Variants in MRM1 observed in about 807,000 individuals in gnomAD.
MRM1 encodes the protein rRNA methyltransferase 1, mitochondrial.
A neutral mutation model predicts 25.0 loss-of-function variants in MRM1; 24 were observed. That is an observed-to-expected ratio of 0.96 (90% CI 0.69 to 1.35). The LOEUF is 1.35. MRM1 is among the 40% of genes most tolerant of loss of function. MRM1 has a pLI of 0.00. For synonymous variants in MRM1, 188 were observed against 199.2 expected, an observed-to-expected ratio of 0.94 and a Z score of 0.47; for missense variants, 431 against 464.1, an observed-to-expected ratio of 0.93 and a Z score of 0.65.
the MRM1 span, chr17:36,634,350 C>T: frequency 1.3e-5 from 2 of 151,910 alleles, no homozygotes; most frequent in East Asian, 1.9e-4. Context: ...CCTCCCACAA[C>T]ACTGGGCCCA....
the MRM1 span, among the ~76,000 whole-genome samples, chr17:36,624,892 C>A: frequency 6.6e-6 from 1 of 152,106 alleles, no homozygotes; most frequent in Non-Finnish European, 1.5e-5. The surrounding 1 kb of genome is among the most constrained non-coding windows in gnomAD (Gnocchi z 4.0). Context: ...CTTCCAGCTC[C>A]CCACCCCTCC....
chr17:36,629,730 G>T, the MRM1 span, among the ~76,000 whole-genome samples: 2 of 151,348 alleles, frequency 1.3e-5, no homozygotes, highest in African/African-American at 4.9e-5. Context: ...GGATGGGGTG[G>T]GGGGGGGCAC....
At chr17:36,610,079 CGCGCAGCTAATTTT>C (rs1282404954), downstream of MRM1, among the ~76,000 whole-genome samples, 38 of 151,944 alleles carry the variant, frequency 2.5e-4, no homozygotes, top group Non-Finnish European at 1.0e-4. Context: ...GCGTGCACCA[CGCGCAGCTAATTTT>C]TATATTTTTT....
chr17:36,605,773 G>A (rs377383712), intron 2 of MRM1, among the ~76,000 whole-genome samples: 98 of 152,028 alleles, frequency 6.4e-4, no homozygotes, highest in Middle Eastern at 6.8e-3. Context: ...CTTAACTAAA[G>A]TTATTTCCGT....
chr17:36,628,430 C>T, the MRM1 span, among the ~76,000 whole-genome samples: 2 of 152,194 alleles, frequency 1.3e-5, no homozygotes, highest in African/African-American at 4.8e-5. Context: ...CTGGGCTGGG[C>T]TTCCGGAGGG....
the MRM1 span, among the ~76,000 whole-genome samples, chr17:36,627,120 C>A: frequency 6.6e-6 from 1 of 152,192 alleles, no homozygotes; most frequent in Non-Finnish European, 1.5e-5. Flanking sequence ...GGACCCCCTG[C>A]GAACCTGGGC....
At chr17:36,613,324 C>T (rs916335538), downstream of MRM1, among the ~76,000 whole-genome samples, 1 of 152,180 alleles carries the variant, frequency 6.6e-6, no homozygotes, top group African/African-American at 2.4e-5. Context: ...GGGATCCCCA[C>T]AGTTTGTAAA....
At chr17:36,632,011 C>T in the MRM1 span, among the ~76,000 whole-genome samples, 3 of 152,180 alleles carry the variant, frequency 2.0e-5, no homozygotes, top group Non-Finnish European at 4.4e-5. Context: ...AAAATAACCA[C>T]ACCTGGGTAA....
At chr17:36,617,393 CTTTT>C in the MRM1 span, among the ~76,000 whole-genome samples, 6 of 137,608 alleles carry the variant, frequency 4.4e-5, no homozygotes, top group Admixed American at 7.3e-5. Context: ...TCCTTTCCGT[CTTTT>C]TTTTTTTTTT....
the MRM1 span, among the ~76,000 whole-genome samples, chr17:36,627,674 G>GTTT: frequency 0.03 from 2,529 of 83,566 alleles, 204 homozygotes; most frequent in African/African-American, 0.083. Context: ...TTTGGACACT[G>GTTT]TTTTTTTTTT....
chr17:36,607,866 G>A lies in MRM1; in HGVS notation c.770-33G>A, dbSNP rs773635420. On this transcript the variant is annotated intron_variant, in intron 3 of 4. Coordinates refer to ENST00000614766, the MANE Select transcript of MRM1 (RefSeq NM_024864.5). ...TCCCGAGCAACTGGGTGTCCAGCTG[G>A]GCAACCCTAACCCTCAGCCCCACGC... The A allele has an allele frequency of 9.3e-6, 15 of 1,611,842 alleles. No individual in the cohort carries two copies. The East Asian group carries it at 2.5e-4, about 26-fold the overall frequency.
the MRM1 span, among the ~76,000 whole-genome samples, chr17:36,629,602 GC>G: frequency 6.6e-6 from 1 of 152,308 alleles, no homozygotes; most frequent in East Asian, 1.9e-4. Context: ...GATGTCAGAA[GC>G]CAGGCTGGGG....
the MRM1 span, among the ~76,000 whole-genome samples, chr17:36,614,175 G>T: frequency 1.3e-5 from 2 of 152,090 alleles, no homozygotes; most frequent in East Asian, 1.9e-4. Flanking sequence ...CTGCTCTCTG[G>T]GGGGAAGGGC....
chr17:36,609,566 CATT>C (rs1266473673), downstream of MRM1, among the ~76,000 whole-genome samples: 1 of 152,194 alleles, frequency 6.6e-6, no homozygotes, highest in Non-Finnish European at 1.5e-5. Context: ...CATGACCTCT[CATT>C]ATGAAACCAG....
At chr17:36,629,386 C>G in the MRM1 span, among the ~76,000 whole-genome samples, 1 of 152,194 alleles carries the variant, frequency 6.6e-6, no homozygotes, top group Non-Finnish European at 1.5e-5. Context: ...CGGCCACCCC[C>G]ATGAGAGGTC....
At chr17:36,628,722 C>T in the MRM1 span, among the ~76,000 whole-genome samples, 1 of 152,154 alleles carries the variant, frequency 6.6e-6, no homozygotes, top group Non-Finnish European at 1.5e-5. Flanking sequence ...TGACACTTTG[C>T]TGAGTGCTTC....
At chr17:36,625,459 CTCCTTTT>C in the MRM1 span, among the ~76,000 whole-genome samples, 1 of 87,392 alleles carries the variant, frequency 1.1e-5, no homozygotes, top group East Asian at 2.6e-4. Context: ...TCTCCTCCTC[CTCCTTTT>C]TTTTTTTTTT....
Position 36,608,527 on chromosome 17 carries a change from T to G in MRM1, c.*112T>G. The G allele has an allele frequency of 1.7e-5, 7 of 415,992 alleles. No homozygotes were observed. The highest frequency in any genetic ancestry group is 7.7e-5 in the East Asian group (1 of 13,058). 25.8% of individuals were successfully genotyped at this position (415,992 alleles called of 1,614,324 possible). On this transcript the variant is annotated 3_prime_UTR_variant, in exon 5 of 5. Transcript: ENST00000614766. ...TGAGTGTGCACCAGGCCCATGTTTATTGACCACAGTCTGGGGGGGGGGGAA... is the reference window on the plus strand; with the variant it reads ...TGAGTGTGCACCAGGCCCATGTTTAGTGACCACAGTCTGGGGGGGGGGGAA...
the MRM1 span, among the ~76,000 whole-genome samples, chr17:36,625,470 T>TTC: frequency 1.4e-5 from 2 of 142,786 alleles, no homozygotes; most frequent in Non-Finnish European, 3.0e-5. Context: ...TCCTTTTTTT[T>TTC]TTTTTTTTTT....
Sources: allele counts gnomAD v4.1 joint callset (sites outside exome capture counted in the v4.1 genomes callset), GRCh38; gene constraint gnomAD v4.1.1; non-coding constraint Gnocchi (gnomAD v3.1); transcripts MANE v1.5; gene names NCBI Gene and HGNC (gene_info 2026-07-23, HGNC 2026-07-21).